PIKFYVE: variants seen among roughly 807,000 people sequenced by gnomAD.
PIKFYVE encodes phosphoinositide kinase, FYVE-type zinc finger containing, also known as 1-phosphatidylinositol 3-phosphate 5-kinase.
In PIKFYVE, 122 loss-of-function variants were observed where a neutral mutation model predicts 257.9. The observed-to-expected ratio is 0.47, with a 90% confidence interval of 0.41 to 0.55. The LOEUF is 0.55. Ranked by LOEUF, PIKFYVE falls within the 20% of genes least tolerant of loss-of-function variation. The pLI is 0.00. For synonymous variants in PIKFYVE, 892 were observed against 868.9 expected (o/e 1.03, Z -0.47); for missense variants, 2,160 against 2,536.6 (o/e 0.85, Z 3.19).
In PIKFYVE at chr2:208,340,020, A is replaced by T; in HGVS notation, c.4820A>T (p.Asp1607Val). 6.2e-7 allele frequency: 1 copy of T among 1,613,512 alleles called. No homozygotes were observed. The highest frequency in any genetic ancestry group is 8.5e-7 in the Non-Finnish European group (1 of 1,179,442). Reference protein sequence around the residue: ...DTASSSEDVFDGHLLGSTDSQ... With the variant: ...DTASSSEDVFVGHLLGSTDSQ... Reference sequence around the variant, plus strand: ...CTATTTTTCATTTTAGATGTGTTTGATGGGCATTTGCTGGGATCCACAGAC... The same window carrying T: ...CTATTTTTCATTTTAGATGTGTTTGTTGGGCATTTGCTGGGATCCACAGAC... The change falls in exon 31 of 42, where the codon GAT becomes GTT. Residue 1607 changes from aspartate (D) to valine (V), a missense_variant. Coordinates refer to ENST00000264380, the MANE Select transcript of PIKFYVE (RefSeq NM_015040.4).
intron 5 of PIKFYVE, among the ~76,000 whole-genome samples, chr2:208,284,074 A>AT (rs1044069338): frequency 2.0e-5 from 3 of 152,192 alleles, no homozygotes; most frequent in African/African-American, 7.2e-5. Context: ...ACAACATGTT[A>AT]TTAGTAAGGT....
At chr2:208,273,531 C>T (rs1689701357) in intron 2 of PIKFYVE, 53 bp from the exon 3 acceptor site, 1 of 1,609,906 alleles carries the variant, frequency 6.2e-7, no homozygotes, top group Non-Finnish European at 8.5e-7. Flanking sequence ...CTACTTCCTT[C>T]TCATTGCTGA....
intron 20 of PIKFYVE, 61 bp from the exon 21 acceptor site, chr2:208,328,119 G>A: frequency 1.9e-6 from 3 of 1,610,684 alleles, no homozygotes; most frequent in Non-Finnish European, 2.5e-6. Context: ...AGTGTGTTTG[G>A]TGCATTGGGG....
Position 208,336,883 on chromosome 2 carries a change from A to C in PIKFYVE, c.4566A>C (p.Ser1522=). 6.2e-7 allele frequency: 1 copy of C among 1,613,180 alleles called. No homozygotes were observed. Among genetic ancestry groups the C allele is most frequent in the Non-Finnish European group, 8.5e-7 (1 of 1,179,454 alleles). The stretch of plus-strand genomic sequence containing the variant: ...AGGAAAAGGGTAGAAAGAGACCTTC[A>C]GTTCCTCCAAGTCCTGGAAGACTGA... ...FQQEKGRKRP[S]VPPSPGRLRQ... The change falls in exon 28 of 42, where the codon TCA becomes TCC. Residue 1522 remains serine, a synonymous_variant. Coordinates refer to ENST00000264380, the MANE Select transcript of PIKFYVE (RefSeq NM_015040.4).
chr2:208,285,678 A>C, intron 5 of PIKFYVE, 48 bp from the exon 6 acceptor site: 32 of 1,476,270 alleles, frequency 2.2e-5, no homozygotes, highest in Non-Finnish European at 2.8e-5. Context: ...TGTTACTGCT[A>C]TCTTTTCCTT....
intron 7 of PIKFYVE, among the ~76,000 whole-genome samples, chr2:208,296,145 C>T (rs1385506606): frequency 2.0e-5 from 3 of 152,060 alleles, no homozygotes; most frequent in Non-Finnish European, 2.9e-5. Flanking sequence ...CCTGGGATTA[C>T]AGGCACCTGC....
At chr2:208,337,394 G>A (rs895443452) in intron 28 of PIKFYVE, among the ~76,000 whole-genome samples, 3 of 151,852 alleles carry the variant, frequency 2.0e-5, no homozygotes, top group African/African-American at 7.3e-5. Context: ...CCCAAACATA[G>A]TGGCCAAAAC....
chr2:208,314,218 C>G (rs373597470), intron 13 of PIKFYVE, 76 bp from the exon 14 acceptor site: 2 of 1,503,840 alleles, frequency 1.3e-6, no homozygotes, highest in African/African-American at 2.8e-5. Context: ...AGACAAAGGG[C>G]AATTTCTAAA....
At chr2:208,339,915 T>G in intron 30 of PIKFYVE, 96 bp from the exon 31 acceptor site, 1 of 1,356,212 alleles carries the variant, frequency 7.4e-7, no homozygotes, top group South Asian at 1.2e-5. Flanking sequence ...AGTATACATA[T>G]GTCCATATTC....
chr2:208,328,309 C>A, intron 21 of PIKFYVE, 29 bp downstream of exon 21: 1 of 1,612,180 alleles, frequency 6.2e-7, no homozygotes, highest in Non-Finnish European at 8.5e-7. Context: ...TACACTATTC[C>A]ACATAAGAAC....
At position 208,350,724 on chromosome 2, in the gene PIKFYVE, A is replaced by G. The variant is rs994696; in HGVS notation, c.5435-47A>G. 1,555,599 of 1,600,732 alleles carry G rather than the reference A, an allele frequency of 0.97. 757,345 individuals carry two copies. Among genetic ancestry groups the G allele is most frequent in the Non-Finnish European group, 0.98 (1,150,486 of 1,169,330 alleles). On this transcript the variant is annotated intron_variant, in intron 36 of 41. Coordinates refer to ENST00000264380, the MANE Select transcript of PIKFYVE (RefSeq NM_015040.4). ...AGTGAGGGAGCGGAGGAGGAAAGAT[A>G]TTTTCTGAGTCATAAAGCTTTTTAA...
chr2:208,301,658 T>G (rs1423645087), intron 9 of PIKFYVE, among the ~76,000 whole-genome samples: 1 of 152,248 alleles, frequency 6.6e-6, no homozygotes, highest in Non-Finnish European at 1.5e-5. Context: ...CAATTTTGGC[T>G]GTATATATTT....
At chr2:208,296,208 T>C (rs1286414163) in intron 7 of PIKFYVE, among the ~76,000 whole-genome samples, 1 of 152,172 alleles carries the variant, frequency 6.6e-6, no homozygotes, top group Non-Finnish European at 1.5e-5. Context: ...TCTCACCATG[T>C]TGGCCAGGCT....
intron 33 of PIKFYVE, among the ~76,000 whole-genome samples, chr2:208,345,684 T>C (rs1318712180): frequency 6.6e-6 from 1 of 152,166 alleles, no homozygotes; most frequent in Non-Finnish European, 1.5e-5. Context: ...TTTCCATCTC[T>C]ACTAACATTA....
Position 208,300,956 on chromosome 2 carries a change from A to T in PIKFYVE, c.1070A>T (p.Asp357Val). The T allele has an allele frequency of 1.9e-6, 3 of 1,614,058 alleles. No individual in the cohort carries two copies. Among genetic ancestry groups the T allele is most frequent in the Non-Finnish European group, 2.5e-6 (3 of 1,179,964 alleles). The change falls in exon 9 of 42, where the codon GAC becomes GTC. Residue 357 changes from aspartate to valine, a missense_variant. Physicochemically the swap from Asp to Val is radical, Grantham distance 152 (BLOSUM62 -3). Transcript: ENST00000264380. ...TTGCAGGACAGTGTGCAGTTAAAAG[A>T]CCTGTGGAAAAAAATCTGCCATCAC... ...KILLDSVQLK[D>V]LWKKICHHSS... is the part of the protein sequence containing the mutation.
chr2:208,336,624 A>G (rs539378849), intron 27 of PIKFYVE, among the ~76,000 whole-genome samples: 8 of 148,722 alleles, frequency 5.4e-5, no homozygotes, highest in Admixed American at 4.0e-4. Flanking sequence ...ATAATTTGCT[A>G]TTTTTTTTTT....
In PIKFYVE at chr2:208,325,652, G is replaced by T. The variant is rs367714879; in HGVS notation, c.2841G>T (p.Pro947=). 3.1e-6 allele frequency: 5 copies of T among 1,613,950 alleles called. No individual in the cohort carries two copies. The highest frequency in any genetic ancestry group is 1.6e-4 in the Middle Eastern group (1 of 6,082). The change falls in exon 20 of 42, where the codon CCG becomes CCT. Residue 947 remains proline, a synonymous_variant. Transcript: ENST00000264380. The stretch of plus-strand genomic sequence containing the variant: ...GTGAGCAGGAAAATAAAAATCTTCC[G>T]CAGGCTGTTGCCTCTGTGAAGCATC... ...EKGEQENKNL[P]QAVASVKHQE...
chr2:208,330,391 C>T (rs961170803), intron 22 of PIKFYVE, 132 bp from the exon 23 acceptor site: 237 of 1,018,602 alleles, frequency 2.3e-4, no homozygotes, highest in African/African-American at 1.7e-4. Flanking sequence ...TAGCTGAAGA[C>T]GATGTTCAGC....
intron 41 of PIKFYVE, 150 bp from the exon 42 acceptor site, chr2:208,355,040 G>A: frequency 1.4e-6 from 1 of 707,658 alleles, no homozygotes; most frequent in Non-Finnish European, 2.6e-6. Context: ...CATGGCATGT[G>A]GCACAACAGA....
Sources: allele counts gnomAD v4.1 joint callset (sites outside exome capture counted in the v4.1 genomes callset), GRCh38; gene constraint gnomAD v4.1.1; transcripts MANE v1.5; gene names NCBI Gene and HGNC (gene_info 2026-07-23, HGNC 2026-07-21).